SETD3: variants seen among roughly 807,000 people sequenced by gnomAD.
SETD3 encodes SET domain containing 3, actin N3(tau)-histidine methyltransferase.
SETD3 carries 19 observed loss-of-function variants against 63.0 expected under a neutral mutation model. The observed-to-expected ratio is 0.30, with a 90% CI of 0.21 to 0.44. The LOEUF is 0.44. Among genes scored for constraint, SETD3 ranks in the 20% least tolerant of loss-of-function variants. The probability of loss-of-function intolerance (pLI) is 1.00; values close to 1 mark genes in which losing one functional copy is unlikely to be tolerated. For synonymous variants in SETD3, 286 were observed against 264.1 expected (o/e 1.08, Z -0.80); for missense variants, 587 against 728.5 (o/e 0.81, Z 2.24).
chr14:99,485,687 A>T (rs1313091433), upstream of SETD3, among the ~76,000 whole-genome samples: 2 of 152,288 alleles, frequency 1.3e-5, no homozygotes, highest in East Asian at 3.9e-4. Flanking sequence ...TTGAGAACAG[A>T]TGCCTCAAAA....
At chr14:99,444,021 T>C (rs1893988698) in intron 6 of SETD3, among the ~76,000 whole-genome samples, 2 of 152,060 alleles carry the variant, frequency 1.3e-5, no homozygotes, top group South Asian at 2.1e-4. Flanking sequence ...CGCAGCCAGG[T>C]TGACAATCAC....
intron 6 of SETD3, among the ~76,000 whole-genome samples, chr14:99,426,120 G>A (rs1056550682): frequency 1.3e-4 from 20 of 151,718 alleles, no homozygotes; most frequent in Non-Finnish European, 2.4e-4. Flanking sequence ...GGAATAATCC[G>A]CCCCCCCATC....
rs1023276607 is a variant in SETD3 at position 99,461,333 on chromosome 14, G to C, written c.204C>G (p.Ser68=). Residue 68 remains serine (S), a synonymous_variant, in exon 4 of 13, where the codon TCC becomes TCG. Transcript: ENST00000331768. ...CTTCTCTTTTTCCATCAAAAGTAAC[G>C]GACAGACCTATATTAATCCACGTTT... ...EKIRKKQKGL[S]VTFDGKREDY... is the part of the protein sequence containing the mutation. The C allele has an allele frequency of 6.2e-7, 1 of 1,613,670 alleles. No individual in the cohort carries two copies. The highest frequency in any genetic ancestry group is 1.7e-5 in the Admixed American group (1 of 59,908).
intron 6 of SETD3, among the ~76,000 whole-genome samples, chr14:99,437,221 C>CTA (rs1473968122): frequency 1.3e-5 from 2 of 152,146 alleles, no homozygotes; most frequent in Non-Finnish European, 2.9e-5. Flanking sequence ...GAGTAAAGTG[C>CTA]TACCTCAAGA....
At chr14:99,466,082 A>AT (rs896570952) in intron 1 of SETD3, among the ~76,000 whole-genome samples, 6 of 151,688 alleles carry the variant, frequency 4.0e-5, no homozygotes, top group African/African-American at 7.3e-5. Flanking sequence ...TTTACTCTAG[A>AT]TTTTTTTTTA....
chr14:99,456,120 A>G (rs901023707), intron 6 of SETD3, among the ~76,000 whole-genome samples: 1 of 152,124 alleles, frequency 6.6e-6, no homozygotes, highest in African/African-American at 2.4e-5. Context: ...ATGCCACTAC[A>G]CTCTAGCCTG....
intron 6 of SETD3, among the ~76,000 whole-genome samples, chr14:99,416,392 T>G (rs1892292725): frequency 6.6e-6 from 1 of 152,240 alleles, no homozygotes; most frequent in Admixed American, 6.5e-5. Context: ...CCTCACTTAA[T>G]GAAGCAAAGT....
rs1029869035 is a variant in SETD3, at chr14:99,463,590, G to A, written c.104-12C>T. 1 of 1,604,046 alleles carries A rather than the reference G, an allele frequency of 6.2e-7. No individual in the cohort carries two copies. Among genetic ancestry groups the A allele is most frequent in the South Asian group, 1.1e-5 (1 of 90,586 alleles). Reference sequence around the variant, plus strand: ...CGGACTGCTGCATTCTGTAACATAAGAGGCATGGTACTGAAACACTTCTCT... The same window carrying A: ...CGGACTGCTGCATTCTGTAACATAAAAGGCATGGTACTGAAACACTTCTCT... On this transcript the variant is annotated splice_polypyrimidine_tract_variant and intron_variant, in intron 2 of 12. Transcript: ENST00000331768.
At chr14:99,436,796 A>AT (rs1207059664) in intron 6 of SETD3, among the ~76,000 whole-genome samples, 1 of 152,142 alleles carries the variant, frequency 6.6e-6, no homozygotes, top group Non-Finnish European at 1.5e-5. Context: ...CAGGAGCTGT[A>AT]TTTTTTTATC....
intron 7 of SETD3, 34 bp from the exon 8 acceptor site, chr14:99,413,099 A>C: frequency 6.7e-6 from 9 of 1,344,900 alleles, no homozygotes; most frequent in Non-Finnish European, 9.5e-6. Flanking sequence ...TAAGGTTGGA[A>C]CATTTAAAAG....
At chr14:99,444,822 T>C (rs1894039269) in intron 6 of SETD3, among the ~76,000 whole-genome samples, 1 of 149,790 alleles carries the variant, frequency 6.7e-6, no homozygotes, top group African/African-American at 2.5e-5. Flanking sequence ...GTAACAGTAC[T>C]AGACTTTGTC....
intron 1 of SETD3, among the ~76,000 whole-genome samples, chr14:99,478,460 A>T (rs976803114): frequency 3.3e-5 from 5 of 152,218 alleles, no homozygotes; most frequent in Admixed American, 1.3e-4. Context: ...CAAAAGAAAG[A>T]TACAGTATTA....
At chr14:99,410,410 G>A (rs771954171) in intron 8 of SETD3, among the ~76,000 whole-genome samples, 10 of 151,992 alleles carry the variant, frequency 6.6e-5, no homozygotes, top group African/African-American at 1.7e-4. Context: ...ACTTCCCTCC[G>A]TTGTGCCTGA....
upstream of SETD3, chr14:99,481,758 A>G (rs1021842337): frequency 8.4e-6 from 3 of 355,710 alleles, no homozygotes; most frequent in African/African-American, 2.1e-5. Context: ...GAGTTGGGGA[A>G]CTTTCTAGGG....
At chr14:99,469,456 T>A (rs1253051535) in intron 1 of SETD3, among the ~76,000 whole-genome samples, 1 of 152,220 alleles carries the variant, frequency 6.6e-6, no homozygotes. Context: ...AAATACAAAC[T>A]GCATAGGCTG....
intron 6 of SETD3, 128 bp from the exon 7 acceptor site, chr14:99,414,062 C>T (rs888768716): frequency 1.5e-5 from 12 of 796,772 alleles, no homozygotes; most frequent in East Asian, 2.5e-5. Flanking sequence ...CAGGCGGCGT[C>T]CAGCCGCGCT....
intron 6 of SETD3, among the ~76,000 whole-genome samples, chr14:99,446,995 CAG>C (rs1163904739): frequency 2.1e-5 from 3 of 145,280 alleles, no homozygotes; most frequent in East Asian, 4.1e-4. Context: ...TTTTTTGAGA[CAG>C]AGTCTCACTC....
At chr14:99,429,727 G>T (rs1401025621) in intron 6 of SETD3, among the ~76,000 whole-genome samples, 2 of 152,192 alleles carry the variant, frequency 1.3e-5, no homozygotes, top group Non-Finnish European at 2.9e-5. Context: ...AAAACGTGAG[G>T]AAGAGGTGCC....
At chr14:99,425,858 G>A (rs986227466) in intron 6 of SETD3, among the ~76,000 whole-genome samples, 2 of 152,112 alleles carry the variant, frequency 1.3e-5, no homozygotes, top group Admixed American at 6.5e-5. Flanking sequence ...ATATAATAAA[G>A]TGACATTTTC....
Sources: gnomAD v4.1 joint callset for allele counts (sites outside exome capture counted in the v4.1 genomes callset) on GRCh38, gnomAD v4.1.1 for gene constraint, MANE v1.5 for transcripts, NCBI Gene and HGNC (gene_info 2026-07-23, HGNC 2026-07-21) for gene names.